INPP4B: variants seen among roughly 807,000 people sequenced by gnomAD.
INPP4B encodes inositol polyphosphate 4-phosphatase type II.
In INPP4B, 55 loss-of-function variants were observed where a neutral mutation model predicts 122.5. That is an observed-to-expected ratio of 0.45 (90% confidence interval 0.36 to 0.56). INPP4B has a LOEUF of 0.56. Among genes scored for constraint, INPP4B ranks in the 20% least tolerant of loss-of-function variants. The pLI, the probability that INPP4B is intolerant of heterozygous loss-of-function variation, is 0.00. For missense variants in INPP4B, 1,000 were observed against 1,097.7 expected (o/e 0.91, Z 1.26); for synonymous variants, 403 against 388.7 (o/e 1.04, Z -0.43).
At chr4:142,229,846 A>C (rs891543401) in intron 12 of INPP4B, among the ~76,000 whole-genome samples, 4 of 152,094 alleles carry the variant, frequency 2.6e-5, no homozygotes, top group African/African-American at 9.7e-5. Flanking sequence ...TTTTGGGGGG[A>C]TAGGGAAGAA....
chr4:142,820,344 A>G (rs1780653223), intron 1 of INPP4B, among the ~76,000 whole-genome samples: 1 of 152,074 alleles, frequency 6.6e-6, no homozygotes, highest in Non-Finnish European at 1.5e-5. Context: ...TGTTAAAAAG[A>G]GCCTGGCACC....
intron 2 of INPP4B, among the ~76,000 whole-genome samples, chr4:142,497,276 C>T (rs369101138): frequency 3.8e-4 from 58 of 152,052 alleles, no homozygotes; most frequent in Middle Eastern, 3.4e-3. Context: ...CCTAGCCTCA[C>T]GAAAATTATT....
chr4:142,725,438 A>G (rs1417241597), intron 2 of INPP4B, among the ~76,000 whole-genome samples: 1 of 152,154 alleles, frequency 6.6e-6, no homozygotes, highest in Admixed American at 6.5e-5. Context: ...CATCTGACTA[A>G]CGCCAAATAA....
At chr4:142,175,307 C>A (rs1312842478) in intron 15 of INPP4B, among the ~76,000 whole-genome samples, 1 of 152,066 alleles carries the variant, frequency 6.6e-6, no homozygotes, top group African/African-American at 2.4e-5. Flanking sequence ...CTGTTCTATT[C>A]TTCTCACACT....
chr4:142,381,065 C>T (rs1048006887), intron 7 of INPP4B, among the ~76,000 whole-genome samples: 3 of 152,138 alleles, frequency 2.0e-5, no homozygotes, highest in African/African-American at 4.8e-5. Flanking sequence ...TACTCAACCA[C>T]GATTTTCCAT....
intron 1 of INPP4B, among the ~76,000 whole-genome samples, chr4:142,745,058 G>T (rs1016521416): frequency 4.0e-5 from 6 of 151,794 alleles, no homozygotes; most frequent in Non-Finnish European, 8.8e-5. Context: ...GAATCATCAG[G>T]TTTGGAGCTG....
At chr4:142,550,564 C>G (rs1727717526) in intron 2 of INPP4B, among the ~76,000 whole-genome samples, 1 of 150,562 alleles carries the variant, frequency 6.6e-6, no homozygotes, top group East Asian at 1.9e-4. Context: ...TGATCTCTCA[C>G]TTTCATCATT....
At chr4:142,578,615 C>G (rs1053251782) in intron 2 of INPP4B, among the ~76,000 whole-genome samples, 1 of 151,822 alleles carries the variant, frequency 6.6e-6, no homozygotes, top group African/African-American at 2.4e-5. Flanking sequence ...TATAAGGACA[C>G]GAGTCAGATT....
chr4:142,324,189 T>C (rs1771426907), intron 7 of INPP4B, among the ~76,000 whole-genome samples: 2 of 152,164 alleles, frequency 1.3e-5, no homozygotes. Context: ...AGAGAGGCTT[T>C]GGAGAAGCCA....
intron 2 of INPP4B, among the ~76,000 whole-genome samples, chr4:142,504,615 T>A (rs980575820): frequency 5.9e-5 from 9 of 152,118 alleles, no homozygotes; most frequent in African/African-American, 2.2e-4. Context: ...TATAGAAGAA[T>A]GGCTGAGAGA....
At chr4:142,509,262 A>G (rs972762193) in intron 2 of INPP4B, among the ~76,000 whole-genome samples, 1 of 152,210 alleles carries the variant, frequency 6.6e-6, no homozygotes, top group African/African-American at 2.4e-5. Flanking sequence ...AAGTTCTGGG[A>G]TAAATGTGCC....
chr4:142,705,934 G>A (rs977742397), intron 2 of INPP4B, among the ~76,000 whole-genome samples: 3 of 152,098 alleles, frequency 2.0e-5, no homozygotes, highest in African/African-American at 7.2e-5. Flanking sequence ...ATGTAATAAA[G>A]CTCCCAAATT....
At chr4:142,455,051 T>C (rs889604804) in intron 3 of INPP4B, among the ~76,000 whole-genome samples, 2 of 152,038 alleles carry the variant, frequency 1.3e-5, no homozygotes, top group Non-Finnish European at 2.9e-5. Flanking sequence ...GAGTACATAG[T>C]AGGTGTATGT....
At chr4:142,254,295 G>C (rs528727996) in intron 11 of INPP4B, among the ~76,000 whole-genome samples, 1 of 145,626 alleles carries the variant, frequency 6.9e-6, no homozygotes, top group Non-Finnish European at 1.5e-5. Context: ...AAAGCAGAGC[G>C]CCTCTCCTCC....
intron 2 of INPP4B, among the ~76,000 whole-genome samples, chr4:142,686,780 A>G (rs994257634): frequency 6.6e-6 from 1 of 151,950 alleles, no homozygotes; most frequent in Non-Finnish European, 1.5e-5. Flanking sequence ...ATTTGAAAAA[A>G]CCAACCTTTG....
At chr4:142,763,941 T>C (rs527990782) in intron 1 of INPP4B, among the ~76,000 whole-genome samples, 124 of 152,274 alleles carry the variant, frequency 8.1e-4, no homozygotes, top group African/African-American at 2.9e-3. Context: ...TGATTCAACA[T>C]ATTCATTGAG....
chr4:142,481,745 T>C (rs1820573612), intron 2 of INPP4B, among the ~76,000 whole-genome samples: 1 of 152,182 alleles, frequency 6.6e-6, no homozygotes, highest in Non-Finnish European at 1.5e-5. Flanking sequence ...CAGTGCCCTC[T>C]AGAGTAGTGC....
intron 9 of INPP4B, among the ~76,000 whole-genome samples, chr4:142,295,195 C>T (rs957814349): frequency 2.0e-5 from 3 of 152,170 alleles, no homozygotes; most frequent in Admixed American, 2.0e-4. Flanking sequence ...TATGTGTTCA[C>T]TTACGCAAGC....
intron 18 of INPP4B, among the ~76,000 whole-genome samples, chr4:142,128,364 C>CACACACACACACACACAT (rs1799620221): frequency 7.0e-6 from 1 of 143,236 alleles, no homozygotes; most frequent in African/African-American, 2.6e-5. Flanking sequence ...CACACACACA[C>CACACACACACACACACAT]ACACACACAC....
Sources: allele counts gnomAD v4.1 joint callset (sites outside exome capture counted in the v4.1 genomes callset), GRCh38; gene constraint gnomAD v4.1.1; transcripts MANE v1.5; gene names NCBI Gene and HGNC (gene_info 2026-07-23, HGNC 2026-07-21).